ESRRG: variants seen among roughly 807,000 people sequenced by gnomAD.
ESRRG encodes the protein estrogen-related receptor gamma.
ESRRG carries 13 observed loss-of-function variants against 44.0 expected under a neutral mutation model. The ratio of observed to expected loss-of-function variants is 0.30; its 90% CI spans 0.19 to 0.47. The LOEUF (loss-of-function observed/expected upper bound fraction) is 0.47, where lower values mean the gene tolerates loss of function less well. Among genes scored for constraint, ESRRG ranks in the 20% least tolerant of loss-of-function variants. The pLI, the probability that ESRRG is intolerant of heterozygous loss-of-function variation, is 1.00. For missense variants in ESRRG, 395 were observed against 580.6 expected (o/e 0.68, Z 3.29); for synonymous variants, 215 against 214.6 (o/e 1.00, Z -0.02).
intron 2 of ESRRG, among the ~76,000 whole-genome samples, chr1:216,661,738 T>C (rs1209530704): frequency 6.6e-6 from 1 of 152,082 alleles, no homozygotes; most frequent in Non-Finnish European, 1.5e-5. Flanking sequence ...CCAAAGTTTG[T>C]CAGAGAGGAA....
Position 217,015,212 on chromosome 1 carries a change from T to C in ESRRG, c.-106+74295A>G, listed in dbSNP as rs189813636. On this transcript the variant is annotated intron_variant, in intron 1 of 7. Coordinates refer to the ESRRG transcript ENST00000359162. Reference sequence around the variant, plus strand: ...GAAAATAGTGCAGGGGCTGATTGTTTGCATTATTTTGTGTTTTTCTGGCTG... The same window carrying C: ...GAAAATAGTGCAGGGGCTGATTGTTCGCATTATTTTGTGTTTTTCTGGCTG... Among the ~76,000 whole-genome samples the C allele has an allele frequency of 5.3e-5, 8 of 152,276 alleles. No individual in the cohort carries two copies. In the East Asian group the frequency reaches 1.5e-3, roughly 29 times the overall value.
At chr1:216,975,721 TTTGA>T (rs2072738608) in intron 1 of ESRRG, among the ~76,000 whole-genome samples, 1 of 152,200 alleles carries the variant, frequency 6.6e-6, no homozygotes, top group Non-Finnish European at 1.5e-5. Flanking sequence ...ATCTAATCCC[TTTGA>T]TTGTAGAATG....
intron 2 of ESRRG, among the ~76,000 whole-genome samples, chr1:216,873,051 G>T (rs1217597211): frequency 1.3e-5 from 2 of 152,070 alleles, no homozygotes; most frequent in Non-Finnish European, 2.9e-5. Context: ...AGTTTTTGCA[G>T]TTATTCAGAT....
intron 2 of ESRRG, among the ~76,000 whole-genome samples, chr1:216,751,949 T>G (rs556376965): frequency 3.3e-5 from 5 of 151,970 alleles, no homozygotes; most frequent in Non-Finnish European, 7.4e-5. Context: ...AGAGTGAGAG[T>G]CATTATGTAG....
At chr1:216,977,864 G>A (rs557573041) in intron 1 of ESRRG, among the ~76,000 whole-genome samples, 41 of 151,954 alleles carry the variant, frequency 2.7e-4, no homozygotes, top group Non-Finnish European at 5.1e-4. Context: ...TTCAGGAGTG[G>A]GTTCATAATC....
chr1:216,625,821 A>G (rs2150568276), intron 3 of ESRRG, among the ~76,000 whole-genome samples: 1 of 152,072 alleles, frequency 6.6e-6, no homozygotes, highest in South Asian at 2.1e-4. Context: ...TCACTCAATT[A>G]TTTTCAGTAA....
At chr1:216,766,277 T>C (rs1385971135) in intron 2 of ESRRG, among the ~76,000 whole-genome samples, 3 of 152,128 alleles carry the variant, frequency 2.0e-5, no homozygotes, top group Admixed American at 2.0e-4. Context: ...TATTTGAATT[T>C]ATAGCTGCTG....
rs373131966 is a variant in ESRRG, at chr1:216,566,354, G to C, written c.700+1634C>G. Among the ~76,000 whole-genome samples, 9 of 152,252 alleles carry C rather than the reference G, an allele frequency of 5.9e-5. No individual in the cohort carries two copies. In the East Asian group the frequency reaches 9.7e-4, roughly 16 times the overall value. ...ATGGACTAAAGAAAATTAACACAGA[G>C]GCCTTTAGATAATGAGTAATGATTT... On this transcript the variant is annotated intron_variant, in intron 4 of 6. Coordinates refer to ENST00000408911, the MANE Select transcript of ESRRG (RefSeq NM_001438.4).
chr1:216,769,790 T>C (rs1321096138), intron 2 of ESRRG, among the ~76,000 whole-genome samples: 3 of 152,062 alleles, frequency 2.0e-5, no homozygotes, highest in Non-Finnish European at 2.9e-5. Context: ...AACATTGAAT[T>C]TGAAATGCTA....
At chr1:216,636,291 A>C (rs1248270091) in intron 3 of ESRRG, among the ~76,000 whole-genome samples, 1 of 152,208 alleles carries the variant, frequency 6.6e-6, no homozygotes, top group South Asian at 2.1e-4. Context: ...TACTTACTGA[A>C]ATTTTGCAAT....
chr1:217,042,328 A>G (rs2083999179), intron 1 of ESRRG, among the ~76,000 whole-genome samples: 1 of 152,186 alleles, frequency 6.6e-6, no homozygotes, highest in Non-Finnish European at 1.5e-5. Flanking sequence ...CTTGTCCCAA[A>G]TAACAACTGA....
At chr1:216,979,823 T>C (rs1286187461) in intron 1 of ESRRG, among the ~76,000 whole-genome samples, 1 of 152,156 alleles carries the variant, frequency 6.6e-6, no homozygotes, top group African/African-American at 2.4e-5. Context: ...TGCTATTATA[T>C]AGACAGCTTG....
intron 3 of ESRRG, among the ~76,000 whole-genome samples, chr1:216,630,252 G>T (rs556263643): frequency 2.2e-4 from 34 of 152,090 alleles, no homozygotes; most frequent in African/African-American, 8.0e-4. Flanking sequence ...TTCATTCTCT[G>T]GTCAGAGAGA....
chr1:217,035,050 A>G (rs1454694676), intron 1 of ESRRG, among the ~76,000 whole-genome samples: 1 of 152,174 alleles, frequency 6.6e-6, no homozygotes, highest in Non-Finnish European at 1.5e-5. Flanking sequence ...GCTAGTCCAG[A>G]GTTCACATCT....
At position 216,980,888 on chromosome 1, in the gene ESRRG, C is replaced by T. The variant is rs76319286; in HGVS notation, c.-105-41215G>A. On this transcript the variant is annotated intron_variant, in intron 1 of 7. Coordinates refer to the ESRRG transcript ENST00000359162. Reference sequence around the variant, plus strand: ...AATGTAGTTGCCTGAACAGGTCAGGCGGTCTCCTGCCTTTCATATGCTCTT... The same window carrying T: ...AATGTAGTTGCCTGAACAGGTCAGGTGGTCTCCTGCCTTTCATATGCTCTT... Among the ~76,000 whole-genome samples the T allele has an allele frequency of 7.0e-3, 1,015 of 145,168 alleles. 13 individuals are homozygous for T. The highest frequency in any genetic ancestry group is 0.021 in the African/African-American group (876 of 41,150).
At chr1:216,895,423 G>C (rs551130186) in intron 2 of ESRRG, among the ~76,000 whole-genome samples, 1 of 152,082 alleles carries the variant, frequency 6.6e-6, no homozygotes, top group East Asian at 1.9e-4. Context: ...GGCCAATTAG[G>C]GTGAAAAAAT....
chr1:216,957,273 CT>C (rs1276676369), intron 1 of ESRRG, among the ~76,000 whole-genome samples: 1 of 152,152 alleles, frequency 6.6e-6, no homozygotes, highest in Non-Finnish European at 1.5e-5. Context: ...CACAGCTAGT[CT>C]CTATAGTTTT....
At chr1:216,856,705 G>C (rs1487924753) in intron 2 of ESRRG, among the ~76,000 whole-genome samples, 2 of 152,116 alleles carry the variant, frequency 1.3e-5, no homozygotes, top group African/African-American at 4.8e-5. Context: ...CTCTGATCAG[G>C]AAGAGGAAAA....
intron 2 of ESRRG, among the ~76,000 whole-genome samples, chr1:216,928,647 T>G (rs1446885828): frequency 6.6e-6 from 1 of 152,184 alleles, no homozygotes. Flanking sequence ...GTTACTAGAT[T>G]ACATGGAGGA....
Sources: allele counts gnomAD v4.1 joint callset (sites outside exome capture counted in the v4.1 genomes callset), GRCh38; gene constraint gnomAD v4.1.1; transcripts MANE v1.5; gene names NCBI Gene and HGNC (gene_info 2026-07-23, HGNC 2026-07-21).